The following PLA2G3 variants were observed in gnomAD, a reference collection of about 807,000 sequenced individuals.
PLA2G3 encodes the protein phospholipase A2 group III.
Under a neutral mutation model 51.3 loss-of-function variants are expected in PLA2G3, and 39 were observed. The ratio of observed to expected loss-of-function variants is 0.76; its 90% CI spans 0.59 to 0.99. PLA2G3 has a LOEUF of 0.99. Among genes scored for constraint, PLA2G3 ranks in the 50% least tolerant of loss-of-function variants. The pLI is 0.00. For missense variants in PLA2G3, 677 were observed against 662.1 expected (o/e 1.02, Z -0.25); for synonymous variants, 293 against 263.1 (o/e 1.11, Z -1.10).
intron 4 of PLA2G3, among the ~76,000 whole-genome samples, chr22:31,137,386 G>A (rs1922636653): frequency 1.3e-5 from 2 of 152,340 alleles, no homozygotes; most frequent in South Asian, 4.1e-4. Flanking sequence ...AGAGAGCCTG[G>A]CGCTTTTGAG....
chr22:31,140,481 ATGGAGC>A lies in PLA2G3; in HGVS notation c.-133_-128del. 9.6e-7 allele frequency: 1 copy of A among 1,046,122 alleles called. No individual in the cohort carries two copies. The highest frequency in any genetic ancestry group is 1.4e-6 in the Non-Finnish European group (1 of 731,588). 64.8% of individuals were successfully genotyped at this position (1,046,122 alleles called of 1,614,324 possible). ...AGGCCCGGTGCGGCGGGACCAATGA[ATGGAGC>A]TGCGGGAGGAGGAGGAAAGAGGCTG... is the stretch of plus-strand genomic sequence containing the variant. On this transcript the variant is annotated 5_prime_UTR_variant, in exon 1 of 7. Coordinates refer to ENST00000215885, the MANE Select transcript of PLA2G3 (RefSeq NM_015715.5).
rs1206197770 is a variant in PLA2G3 at position 31,136,781 on chromosome 22, C to A, written c.1218G>T (p.Arg406Ser). 1 of 1,611,928 alleles carries A rather than the reference C, an allele frequency of 6.2e-7. No homozygotes were observed. The highest frequency in any genetic ancestry group is 1.3e-5 in the African/African-American group (1 of 74,792). ...TGGTAACCTCGGGTGGGCTGTGGAG[C>A]CTCAGGAAGCGTGCCAGACTGAGAA... ...NCTRRLARFL[R>S]LHSPPEVTNM... The change falls in exon 6 of 7, where the codon AGG becomes AGT. Residue 406 changes from arginine to serine, a missense_variant. Physicochemically the swap from Arg to Ser is moderately radical, Grantham distance 110 (BLOSUM62 -1). Coordinates refer to ENST00000215885, the MANE Select transcript of PLA2G3 (RefSeq NM_015715.5).
intron 6 of PLA2G3, 32 bp downstream of exon 6, chr22:31,136,651 C>G: frequency 6.4e-7 from 1 of 1,573,722 alleles, no homozygotes. Context: ...TTGAGAAAAC[C>G]CCCCATCCCT....
chr22:31,140,195 C>T lies in PLA2G3; in HGVS notation c.160G>A (p.Gly54Arg), dbSNP rs765430625. Reference sequence around the variant, plus strand: ...CAGCGGGCATGGATCAGGGCCAGTCCCTGAGCATCCTTGGCCAGGAAGCTC... The same window carrying T: ...CAGCGGGCATGGATCAGGGCCAGTCTCTGAGCATCCTTGGCCAGGAAGCTC... ...YLSFLAKDAQ[G>R]LALIHARWDA... Residue 54 changes from glycine to arginine, a missense_variant, in exon 1 of 7, where the codon GGA becomes AGA. Coordinates refer to ENST00000215885, the MANE Select transcript of PLA2G3 (RefSeq NM_015715.5). The T allele has an allele frequency of 6.2e-7, 1 of 1,612,714 alleles. No homozygotes were observed. Among genetic ancestry groups the T allele is most frequent in the Non-Finnish European group, 8.5e-7 (1 of 1,179,970 alleles).
Position 31,140,453 on chromosome 22 carries a change from A to G in PLA2G3, c.-99T>C. ...GAGCAGTGGAACGGAAGCGGAGCCCAGCAGGCCCGGTGCGGCGGGACCAAT... is the reference window on the plus strand; with the variant it reads ...GAGCAGTGGAACGGAAGCGGAGCCCGGCAGGCCCGGTGCGGCGGGACCAAT... On this transcript the variant is annotated 5_prime_UTR_variant, in exon 1 of 7. Transcript: ENST00000215885. The G allele has an allele frequency of 7.2e-7, 1 of 1,391,688 alleles. No individual in the cohort carries two copies. The highest frequency in any genetic ancestry group is 9.6e-7 in the Non-Finnish European group (1 of 1,036,674). The allele number at this position is 1,391,688 out of a possible 1,614,324, so 86.2% of individuals were successfully genotyped here.
intron 1 of PLA2G3, among the ~76,000 whole-genome samples, chr22:31,139,504 T>C (rs1922770821): frequency 6.6e-6 from 1 of 152,110 alleles, no homozygotes; most frequent in Non-Finnish European, 1.5e-5. Context: ...CGTCTCAGCA[T>C]CCATTCCACT....
chr22:31,138,900 C>T lies in PLA2G3; in HGVS notation c.515-101G>A. Reference sequence around the variant, plus strand: ...AGGAAGAGGGCAGAGACCTGGTTCTCACCCCAGCCCTGACACAAACGCCAT... The same window carrying T: ...AGGAAGAGGGCAGAGACCTGGTTCTTACCCCAGCCCTGACACAAACGCCAT... On this transcript the variant is annotated intron_variant, in intron 1 of 6. Transcript: ENST00000215885. The T allele has an allele frequency of 6.0e-6, 7 of 1,175,740 alleles. No homozygotes were observed. In the Admixed American group the frequency reaches 6.3e-5, roughly 11 times the overall value. The allele number at this position is 1,175,740 out of a possible 1,614,324, so 72.8% of individuals were successfully genotyped here.
chr22:31,140,092 G>T lies in PLA2G3; in HGVS notation c.263C>A (p.Ala88Asp). 1 of 1,613,360 alleles carries T rather than the reference G, an allele frequency of 6.2e-7. No individual in the cohort carries two copies. Residue 88 changes from alanine to aspartate, a missense_variant, in exon 1 of 7, where the codon GCT (alanine) becomes GAT (aspartate). Physicochemically the swap from Ala to Asp is moderately radical, Grantham distance 126. Transcript: ENST00000215885. Reference protein sequence around the residue: ...ELTAAYGALCAHETAWGSFIH... With the variant: ...ELTAAYGALCDHETAWGSFIH... ...GAAGGAGCCCCAGGCAGTCTCATGA[G>T]CACAGAGAGCACCGTAGGCTGCGGT...
rs762515488 is a variant in PLA2G3, at chr22:31,138,763, T to C, written c.551A>G (p.His184Arg). 4.3e-6 allele frequency: 7 copies of C among 1,613,898 alleles called. No individual in the cohort carries two copies. In the South Asian group the frequency reaches 4.4e-5, roughly 10 times the overall value. ...FQGPDLCCRE[H>R]DRCPQNISPL... ...TGAGATGTTCTGTGGGCAGCGGTCA[T>C]GTTCCCGGCAACAGAGATCAGGTCC... Residue 184 changes from histidine to arginine, a missense_variant, in exon 2 of 7, where the codon CAT becomes CGT. Coordinates refer to ENST00000215885, the MANE Select transcript of PLA2G3 (RefSeq NM_015715.5).
rs756171790 is a variant in PLA2G3, at chr22:31,135,601, A to G, written c.*122T>C. On this transcript the variant is annotated 3_prime_UTR_variant, in exon 7 of 7. Transcript: ENST00000215885. ...TGAGATCCCCCCATTCATCCTCTTG[A>G]TTGTCCACAACAGCCTCTGCCATGC... is the stretch of plus-strand genomic sequence containing the variant. The G allele has an allele frequency of 1.3e-6, 1 of 744,114 alleles. No homozygotes were observed. The highest frequency in any genetic ancestry group is 2.3e-6 in the Non-Finnish European group (1 of 429,706). The allele number at this position is 744,114 out of a possible 1,614,324, so 46.1% of individuals were successfully genotyped here.
Position 31,140,286 on chromosome 22 carries a change from G to C in PLA2G3, c.69C>G (p.Ala23=), listed in dbSNP as rs759618441. Residue 23 remains alanine (A), a synonymous_variant, in exon 1 of 7, where the codon GCC becomes GCG. Transcript: ENST00000215885. ...GGCAGGAGGTCCTGTACCAGCGGAG[G>C]GCAGGGGAGCCCCCCAGGGCCACCC... The part of the protein sequence containing the change: ...FLGVALGGSP[A]LRWYRTSCHL... 6.2e-7 allele frequency: 1 copy of C among 1,611,854 alleles called. No homozygotes were observed. The highest frequency in any genetic ancestry group is 2.2e-5 in the East Asian group (1 of 44,878).
Position 31,135,887 on chromosome 22 carries a change from T to C in PLA2G3, c.1366A>G (p.Arg456Gly). 6.2e-7 allele frequency: 1 copy of C among 1,613,810 alleles called. No homozygotes were observed. Among genetic ancestry groups the C allele is most frequent in the Non-Finnish European group, 8.5e-7 (1 of 1,180,028 alleles). The change falls in exon 7 of 7, where the codon AGG (arginine) becomes GGG (glycine). Residue 456 changes from arginine (R) to glycine (G), a missense_variant. Coordinates refer to ENST00000215885, the MANE Select transcript of PLA2G3 (RefSeq NM_015715.5). ...AIRVSARHLR[R>G]LQQRRHQLQD... ...AGCTGGTGTCGCCTCTGCTGAAGCC[T>C]CCGCAAGTGCCGGGCTGACACCCTG...
Position 31,135,327 on chromosome 22 carries a change from C to T in PLA2G3, c.*396G>A, listed in dbSNP as rs1464351611. On this transcript the variant is annotated 3_prime_UTR_variant, in exon 7 of 7. Coordinates refer to ENST00000215885, the MANE Select transcript of PLA2G3 (RefSeq NM_015715.5). ...ACCCAGGCACTAGGGCTCCCCTAGGCAGGTTTTTGAGGCATGTATTATTTT... is the reference window on the plus strand; with the variant it reads ...ACCCAGGCACTAGGGCTCCCCTAGGTAGGTTTTTGAGGCATGTATTATTTT... The T allele has an allele frequency of 5.3e-6, 1 of 188,768 alleles. No homozygotes were observed. Among genetic ancestry groups the T allele is most frequent in the African/African-American group, 2.3e-5 (1 of 42,702 alleles). The allele number at this position is 188,768 out of a possible 1,614,324, so 11.7% of individuals were successfully genotyped here. A position where few individuals can be genotyped will look rare whatever the true frequency, so the allele number is the denominator to read the frequency against.
Position 31,138,666 on chromosome 22 carries a change from C to A in PLA2G3, c.647+1G>T. On this transcript the variant is annotated splice_donor_variant, in intron 2 of 6. Transcript: ENST00000215885. LOFTEE classifies it high-confidence loss of function. ...CTGGGCCCTCGCTGCCTGCCACCAA[C>A]CTGGTGTCACAGTCACAGTGGGAGA... 1 of 1,614,130 alleles carries A rather than the reference C, an allele frequency of 6.2e-7. No individual in the cohort carries two copies.
Position 31,140,238 on chromosome 22 carries a change from G to T in PLA2G3, c.117C>A (p.Gly39=). 5 of 1,612,566 alleles carry T rather than the reference G, an allele frequency of 3.1e-6. No homozygotes were observed. Among genetic ancestry groups the T allele is most frequent in the Non-Finnish European group, 4.2e-6 (5 of 1,179,994 alleles). The part of the protein sequence containing the change: ...TSCHLTKAVP[G]NPLGYLSFLA... The stretch of plus-strand genomic sequence containing the variant: ...GGAAGCTCAGGTACCCCAGTGGGTT[G>T]CCAGGGACGGCCTTGGTCAAGTGGC... The change falls in exon 1 of 7, where the codon GGC becomes GGA. Residue 39 remains glycine, a synonymous_variant. Transcript: ENST00000215885.
rs1569293321 is a variant in PLA2G3 at position 31,136,731 on chromosome 22, G to C, written c.1268C>G (p.Thr423Arg). ...TGGAGGGGCCAGCTTGAAGCAGGTTGTGCCCAGCAGCTCCCAAAGCATGTT... is the reference window on the plus strand; with the variant it reads ...TGGAGGGGCCAGCTTGAAGCAGGTTCTGCCCAGCAGCTCCCAAAGCATGTT... ...VTNMLWELLG[T>R]TCFKLAPPLD... The change falls in exon 6 of 7, where the codon ACA becomes AGA. Residue 423 changes from threonine to arginine, a missense_variant. Thr to Arg is a moderately conservative substitution (Grantham distance 71, BLOSUM62 -1). Coordinates refer to ENST00000215885, the MANE Select transcript of PLA2G3 (RefSeq NM_015715.5). The C allele has an allele frequency of 3.1e-6, 5 of 1,613,466 alleles. No homozygotes were observed. Among genetic ancestry groups the C allele is most frequent in the Non-Finnish European group, 3.4e-6 (4 of 1,179,800 alleles).
Position 31,140,174 on chromosome 22 carries a change from G to A in PLA2G3, c.181C>T (p.Arg61Cys), listed in dbSNP as rs188950582. 76 of 1,612,520 alleles carry A rather than the reference G, an allele frequency of 4.7e-5. No homozygotes were observed. The highest frequency in any genetic ancestry group is 1.8e-4 in the South Asian group (16 of 91,080). ...DAQGLALIHA[R>C]WDAHRRLQSC... ...TGCAGCCTCCTATGCGCATCCCAGC[G>A]GGCATGGATCAGGGCCAGTCCCTGA... Residue 61 changes from arginine (R) to cysteine (C), a missense_variant, in exon 1 of 7, where the codon CGC becomes TGC. Physicochemically the swap from Arg to Cys is radical, Grantham distance 180. Transcript: ENST00000215885.
In PLA2G3 at chr22:31,138,302, C is replaced by T. The variant is rs371253832; in HGVS notation, c.756G>A (p.Ala252=). Residue 252 remains alanine (A), a synonymous_variant, in exon 3 of 7, where the codon GCG becomes GCA. Transcript: ENST00000215885. ...IPCFVLEEQE[A]CVAWYWWGGC... ...CGCCCCACCAGTACCACGCCACACA[C>T]GCCTCCTGCTCCTCCAGCACAAAGC... is the stretch of plus-strand genomic sequence containing the variant. 2.0e-5 allele frequency: 33 copies of T among 1,613,846 alleles called. No individual in the cohort carries two copies. Among genetic ancestry groups the T allele is most frequent in the East Asian group, 8.9e-5 (4 of 44,890 alleles).
chr22:31,138,771 G>A lies in PLA2G3; in HGVS notation c.543C>T (p.Cys181=). Residue 181 remains cysteine, a synonymous_variant, in exon 2 of 7, where the codon TGC becomes TGT. Transcript: ENST00000215885. ...LGVFQGPDLC[C]REHDRCPQNI... ...TCTGTGGGCAGCGGTCATGTTCCCG[G>A]CAACAGAGATCAGGTCCCTGGAAGA... 1 of 1,614,084 alleles carries A rather than the reference G, an allele frequency of 6.2e-7. No individual in the cohort carries two copies. The highest frequency in any genetic ancestry group is 8.5e-7 in the Non-Finnish European group (1 of 1,180,000).
Sources: gnomAD v4.1 joint callset for allele counts (sites outside exome capture counted in the v4.1 genomes callset) on GRCh38, gnomAD v4.1.1 for gene constraint, MANE v1.5 for transcripts, NCBI Gene and HGNC (gene_info 2026-07-23, HGNC 2026-07-21) for gene names.